Variants in PDXDC1 observed in about 807,000 individuals in gnomAD.
PDXDC1 encodes pyridoxal dependent decarboxylase domain containing 1, also known as pyridoxal-dependent decarboxylase domain-containing protein 1.
A neutral mutation model predicts 100.1 loss-of-function variants in PDXDC1; 42 were observed. The observed-to-expected ratio is 0.42, with a 90% CI of 0.33 to 0.54. The LOEUF (loss-of-function observed/expected upper bound fraction) is 0.54. PDXDC1 is among the 20% of genes least tolerant of loss of function. The pLI, the probability that PDXDC1 is intolerant of heterozygous loss-of-function variation, is 0.10. For missense variants in PDXDC1, 636 were observed against 979.2 expected, an observed-to-expected ratio of 0.65 and a Z score of 4.68; for synonymous variants, 260 against 371.7, an observed-to-expected ratio of 0.70 and a Z score of 3.46.
At chr16:15,133,481 C>T (rs2048206087) in intron 16 of PDXDC1, 3 of 835,064 alleles carry the variant, frequency 3.6e-6, no homozygotes, top group Non-Finnish European at 5.8e-6. Flanking sequence ...CTCCCACGGC[C>T]TGGCTCACCT....
chr16:14,982,462 A>C (rs549078910), intron 1 of PDXDC1, among the ~76,000 whole-genome samples: 24 of 152,388 alleles, frequency 1.6e-4, no homozygotes, highest in Admixed American at 7.2e-4. Flanking sequence ...ATCTCTACTA[A>C]AAATACAAAA....
At chr16:15,093,157 A>T (rs1284898215) in intron 16 of PDXDC1, among the ~76,000 whole-genome samples, 1 of 152,144 alleles carries the variant, frequency 6.6e-6, no homozygotes, top group African/African-American at 2.4e-5. Context: ...GGCACCTGCC[A>T]CCATGCCCGG....
intron 16 of PDXDC1, among the ~76,000 whole-genome samples, chr16:15,086,677 CT>C (rs2151815806): frequency 1.3e-5 from 2 of 152,276 alleles, no homozygotes; most frequent in East Asian, 3.9e-4. Flanking sequence ...AGGAGAAAGA[CT>C]TAAATGCAAT....
intron 1 of PDXDC1, among the ~76,000 whole-genome samples, chr16:14,984,492 TA>T (rs1359626702): frequency 0.1 from 9,491 of 93,912 alleles, 30 homozygotes; most frequent in African/African-American, 0.18. Flanking sequence ...TATATATATA[TA>T]TATTTTTTTT....
rs1475040078 is a variant in PDXDC1, at chr16:14,975,059, C to A, written c.-141C>A. 10 of 1,512,086 alleles carry A rather than the reference C, an allele frequency of 6.6e-6. No homozygotes were observed. Among genetic ancestry groups the A allele is most frequent in the African/African-American group, 1.4e-5 (1 of 71,788 alleles). The allele number at this position is 1,512,086 out of a possible 1,614,324, so 93.7% of individuals were successfully genotyped here. A position where few individuals can be genotyped will look rare whatever the true frequency, so the allele number is the denominator to read the frequency against. ...CATCAGGTTCGGCAGCCCGCGGCGC[C>A]GCCTGGCAGCTCCTCCTCTTCTCCG... On this transcript the variant is annotated 5_prime_UTR_variant, in exon 1 of 23. Transcript: ENST00000396410.
At chr16:15,131,042 A>G (rs1310504320) in intron 16 of PDXDC1, 7 of 1,530,880 alleles carry the variant, frequency 4.6e-6, no homozygotes, top group East Asian at 2.3e-5. Flanking sequence ...CTTCCCCCCA[A>G]GAACAAGGCC....
downstream of PDXDC1, among the ~76,000 whole-genome samples, chr16:15,143,078 A>C (rs2048499608): frequency 1.3e-5 from 2 of 152,058 alleles, no homozygotes; most frequent in Non-Finnish European, 2.9e-5. Flanking sequence ...GCTTGTTGGG[A>C]GAAGTACACC....
chr16:15,068,155 C>T (rs765152458), intron 16 of PDXDC1: 96 of 1,517,308 alleles, frequency 6.3e-5, no homozygotes, highest in Non-Finnish European at 8.0e-5. Flanking sequence ...ATCAAGAAAG[C>T]GTAAATAACT....
At chr16:15,112,286 T>C (rs976427225) in intron 16 of PDXDC1, among the ~76,000 whole-genome samples, 13 of 148,236 alleles carry the variant, frequency 8.8e-5, no homozygotes, top group African/African-American at 2.9e-4. Flanking sequence ...TGGCGCTACC[T>C]TGGCTCACGG....
chr16:15,071,052 A>C, intron 16 of PDXDC1: 1 of 1,377,978 alleles, frequency 7.3e-7, no homozygotes, highest in Non-Finnish European at 9.9e-7. Flanking sequence ...GATATTTCTG[A>C]CTTGAGACAA....
intron 6 of PDXDC1, among the ~76,000 whole-genome samples, chr16:15,008,104 A>AT (rs2040939746): frequency 6.6e-6 from 1 of 152,280 alleles, no homozygotes; most frequent in Non-Finnish European, 1.5e-5. Flanking sequence ...TGGGTGTCAC[A>AT]TTCATAATTT....
chr16:14,975,162 A>G lies in PDXDC1; in HGVS notation c.-38A>G. On this transcript the variant is annotated 5_prime_UTR_variant, in exon 1 of 23. Coordinates refer to ENST00000396410, the MANE Select transcript of PDXDC1 (RefSeq NM_015027.4). ...TGCGGGGCGCGGGAGGAGGAAGTAGAGCCCGGGACCGCCAGGCCACCACCG... is the reference window on the plus strand; with the variant it reads ...TGCGGGGCGCGGGAGGAGGAAGTAGGGCCCGGGACCGCCAGGCCACCACCG... 6.8e-7 allele frequency: 1 copy of G among 1,462,270 alleles called. No homozygotes were observed. The highest frequency in any genetic ancestry group is 1.4e-5 in the South Asian group (1 of 69,418). 90.6% of individuals were successfully genotyped at this position (1,462,270 alleles called of 1,614,324 possible).
intron 17 of PDXDC1, chr16:15,032,137 A>G (rs2043105424): frequency 9.0e-6 from 5 of 554,112 alleles, no homozygotes; most frequent in East Asian, 2.8e-5. Flanking sequence ...GTAGGTGCCG[A>G]CTCTCAGCTA....
chr16:15,036,927 G>A lies in PDXDC1; in HGVS notation c.*652G>A, dbSNP rs1868726573. The A allele has an allele frequency of 6.6e-6, 1 of 152,632 alleles. No individual in the cohort carries two copies. The highest frequency in any genetic ancestry group is 6.5e-5 in the Admixed American group (1 of 15,340). 9.5% of individuals were successfully genotyped at this position (152,632 alleles called of 1,614,324 possible). The stretch of plus-strand genomic sequence containing the variant: ...TCTCCCATTATATACCGTTTGTAAA[G>A]AGAAACTGTAAAGTCTCCTCCTGAC... On this transcript the variant is annotated 3_prime_UTR_variant, in exon 23 of 23. Coordinates refer to ENST00000396410, the MANE Select transcript of PDXDC1 (RefSeq NM_015027.4).
chr16:15,132,686 A>G, intron 16 of PDXDC1: 1 of 767,162 alleles, frequency 1.3e-6, no homozygotes, highest in Non-Finnish European at 2.2e-6. Flanking sequence ...CCTGGCAGGC[A>G]TGCGGGGCGG....
the PDXDC1 span, among the ~76,000 whole-genome samples, chr16:15,145,786 C>T: frequency 2.6e-5 from 4 of 152,274 alleles, no homozygotes; most frequent in Non-Finnish European, 4.4e-5. Context: ...CCGCTGTGCC[C>T]GCAGACGTGC....
intron 16 of PDXDC1, among the ~76,000 whole-genome samples, chr16:15,104,032 C>G (rs1359701972): frequency 3.5e-5 from 1 of 28,266 alleles, no homozygotes; most frequent in South Asian, 9.8e-4. Context: ...ATTGGCCAGG[C>G]GTGGTGGCAC....
chr16:15,111,124 TCA>T (rs200365846), intron 16 of PDXDC1, among the ~76,000 whole-genome samples: 25,466 of 138,674 alleles, frequency 0.18, 2,844 homozygotes, highest in East Asian at 0.24. Flanking sequence ...TGAGACTCTG[TCA>T]CACACACACA....
chr16:15,123,189 T>C (rs1011977356), intron 16 of PDXDC1, among the ~76,000 whole-genome samples: 2 of 150,650 alleles, frequency 1.3e-5, no homozygotes, highest in African/African-American at 4.9e-5. Context: ...TGCCTCACAA[T>C]GGACATTCCA....
Sources: gnomAD v4.1 joint callset for allele counts (sites outside exome capture counted in the v4.1 genomes callset) on GRCh38, gnomAD v4.1.1 for gene constraint, MANE v1.5 for transcripts, NCBI Gene and HGNC (gene_info 2026-07-23, HGNC 2026-07-21) for gene names.